Variants in SLC1A2 observed in about 807,000 individuals in gnomAD.
The protein encoded by SLC1A2 is excitatory amino acid transporter 2.
Under a neutral mutation model 48.8 loss-of-function variants are expected in SLC1A2, and 15 were observed. The observed-to-expected ratio is 0.31, with a 90% CI of 0.21 to 0.47. The LOEUF is 0.47. SLC1A2 is among the 20% of genes least tolerant of loss of function. The pLI is 0.99. For synonymous variants in SLC1A2, 279 were observed against 272.6 expected (o/e 1.02, Z -0.23); for missense variants, 502 against 730.5 (o/e 0.69, Z 3.61).
At chr11:35,398,266 C>T (rs924556755) in intron 1 of SLC1A2, among the ~76,000 whole-genome samples, 11 of 152,152 alleles carry the variant, frequency 7.2e-5, no homozygotes, top group Non-Finnish European at 1.0e-4. Flanking sequence ...GACCTAGATG[C>T]CCATCAATGG....
chr11:35,372,535 C>T (rs1024750416), intron 1 of SLC1A2, among the ~76,000 whole-genome samples: 3 of 152,192 alleles, frequency 2.0e-5, no homozygotes, highest in African/African-American at 4.8e-5. Context: ...TTCTCAATAA[C>T]CAGGAAGGAC....
intron 4 of SLC1A2, among the ~76,000 whole-genome samples, chr11:35,307,919 G>T (rs1020160824): frequency 1.3e-5 from 2 of 152,156 alleles, no homozygotes; most frequent in Admixed American, 1.3e-4. Flanking sequence ...GCTGTGTGAG[G>T]GGAGAACAGG....
intron 1 of SLC1A2, among the ~76,000 whole-genome samples, chr11:35,361,113 T>C (rs1853665993): frequency 6.6e-6 from 1 of 152,046 alleles, no homozygotes; most frequent in South Asian, 2.1e-4. Flanking sequence ...TGACCTCAAG[T>C]GATTCACCTG....
intron 1 of SLC1A2, among the ~76,000 whole-genome samples, chr11:35,367,990 GT>G (rs1433297943): frequency 1.3e-5 from 2 of 152,200 alleles, no homozygotes; most frequent in Non-Finnish European, 2.9e-5. Context: ...TATCTGCTCT[GT>G]TTGTTAAAAA....
At chr11:35,265,162 C>G in intron 10 of SLC1A2, 1 of 287,122 alleles carries the variant, frequency 3.5e-6, no homozygotes, top group Admixed American at 4.8e-5. Context: ...CCAGGATGGT[C>G]TTGATCTCCT....
intron 4 of SLC1A2, 104 bp downstream of exon 4, chr11:35,312,094 T>G: frequency 8.6e-7 from 1 of 1,160,578 alleles, no homozygotes; most frequent in Non-Finnish European, 1.2e-6. Flanking sequence ...TAATTATATA[T>G]TTAGAAAATT....
At chr11:35,418,844 C>A in intron 1 of SLC1A2, 106 bp downstream of exon 1, 3 of 1,032,650 alleles carry the variant, frequency 2.9e-6, no homozygotes, top group Non-Finnish European at 4.4e-6. Context: ...CCGCCACCAC[C>A]TCCGAGGCCC....
chr11:35,286,820 G>A lies in SLC1A2; in HGVS notation c.1223C>T (p.Ala408Val). The change falls in exon 8 of 11, where the codon GCC becomes GTC. Residue 408 changes from alanine (A) to valine (V), a missense_variant. By Grantham distance (64) the Ala-to-Val change is moderately conservative (BLOSUM62 0). Around this residue, in one of 4 missense-constraint regions of SLC1A2, gnomAD observed 309 missense variants for 480.3 expected, o/e 0.64. Transcript: ENST00000278379. ...MDGTALYEAV[A>V]AIFIAQMNGV... ...ATTCATTTGGGCTATAAAGATGGCG[G>A]CTACCGCTTCATAAAGGGCTGTACC... is the stretch of plus-strand genomic sequence containing the variant. 6.2e-7 allele frequency: 1 copy of A among 1,613,800 alleles called. No homozygotes were observed. Among genetic ancestry groups the A allele is most frequent in the Non-Finnish European group, 8.5e-7 (1 of 1,179,832 alleles).
chr11:35,351,653 T>C (rs1853259059), intron 1 of SLC1A2, among the ~76,000 whole-genome samples: 1 of 152,188 alleles, frequency 6.6e-6, no homozygotes, highest in Non-Finnish European at 1.5e-5. Context: ...ATTTATTTTT[T>C]GAGACAGAGT....
intron 1 of SLC1A2, among the ~76,000 whole-genome samples, chr11:35,356,143 C>T (rs79142695): frequency 0.014 from 2,151 of 152,286 alleles, 46 homozygotes; most frequent in East Asian, 0.098. Flanking sequence ...GATTCTATAA[C>T]TTTGTACTTA....
chr11:35,419,707 G>A (rs11033118), upstream of SLC1A2: 1,265 of 173,038 alleles, frequency 7.3e-3, 6 homozygotes, highest in Non-Finnish European at 0.012. The surrounding 1 kb of genome is among the most constrained non-coding windows in gnomAD (Gnocchi z 5.4). Flanking sequence ...GGAAGGCTTG[G>A]GCAGCCGGTG....
At chr11:35,284,087 T>TATATATATATATATATA (rs1850729531) in intron 8 of SLC1A2, among the ~76,000 whole-genome samples, 28 of 115,846 alleles carry the variant, frequency 2.4e-4, no homozygotes, top group African/African-American at 5.2e-4. Flanking sequence ...GAAGATTTTA[T>TATATATATATATATATA]TATATATATA....
At position 35,317,376 on chromosome 11, in the gene SLC1A2, C is replaced by T. The variant is rs1247135400; in HGVS notation, c.157+1G>A. 1.2e-6 allele frequency: 2 copies of T among 1,613,904 alleles called. No homozygotes were observed. On this transcript the variant is annotated splice_donor_variant, in intron 2 of 10. Transcript: ENST00000278379. LOFTEE classifies it high-confidence loss of function. ...GGGGGTGGGGTAGTGCAGGTACCTA[C>T]CAAACACCGTCAGGGTGAGCAGCAG... is the stretch of plus-strand genomic sequence containing the variant.
intron 9 of SLC1A2, among the ~76,000 whole-genome samples, chr11:35,277,177 T>C (rs1449245940): frequency 6.6e-6 from 1 of 152,232 alleles, no homozygotes; most frequent in South Asian, 2.1e-4. Context: ...AGTTTTGGAC[T>C]GGACAAATAT....
At chr11:35,327,034 C>T (rs1327162655) in intron 1 of SLC1A2, among the ~76,000 whole-genome samples, 2 of 152,232 alleles carry the variant, frequency 1.3e-5, no homozygotes, top group Non-Finnish European at 2.9e-5. Flanking sequence ...ATGACGTAAA[C>T]TTTGCTAACT....
chr11:35,298,876 T>C (rs566714942), intron 6 of SLC1A2: 3 of 152,306 alleles, frequency 2.0e-5, no homozygotes, highest in African/African-American at 7.2e-5. Flanking sequence ...ACATTGCCCA[T>C]GTTATTGGCA....
chr11:35,269,446 A>G (rs1850211721), intron 9 of SLC1A2, among the ~76,000 whole-genome samples: 1 of 152,172 alleles, frequency 6.6e-6, no homozygotes, highest in Admixed American at 6.5e-5. Flanking sequence ...GACACTCATT[A>G]TGTGCTGGGT....
chr11:35,280,755 T>C lies in SLC1A2; in HGVS notation c.1421+112A>G, dbSNP rs1359930993. 1.6e-5 allele frequency: 10 copies of C among 631,408 alleles called. No individual in the cohort carries two copies. In the South Asian group the frequency reaches 2.4e-4, roughly 15 times the overall value. The allele number at this position is 631,408 out of a possible 1,614,324, so 39.1% of individuals were successfully genotyped here. ...GTGAGCGGGAAGGAGGAAGGAAGAG[T>C]GAGGGAGTTGCCATGGGGATTAGCT... On this transcript the variant is annotated intron_variant, in intron 9 of 10. Coordinates refer to ENST00000278379, the MANE Select transcript of SLC1A2 (RefSeq NM_004171.4).
At chr11:35,405,860 T>A (rs139487744) in intron 1 of SLC1A2, among the ~76,000 whole-genome samples, 7 of 152,322 alleles carry the variant, frequency 4.6e-5, no homozygotes, top group African/African-American at 1.4e-4. Flanking sequence ...CTTACCAAGA[T>A]GACCATGACC....
Sources: gnomAD v4.1 joint callset for allele counts (sites outside exome capture counted in the v4.1 genomes callset) on GRCh38, gnomAD v4.1.1 for gene constraint, gnomAD v4.1.1 regional missense constraint, Gnocchi (gnomAD v3.1) non-coding constraint, MANE v1.5 for transcripts, NCBI Gene and HGNC (gene_info 2026-07-23, HGNC 2026-07-21) for gene names.